The following EPS15L1 variants were observed in gnomAD, a reference collection of about 807,000 sequenced individuals.
The protein encoded by EPS15L1 is epidermal growth factor receptor substrate 15-like 1.
Under a neutral mutation model 117.1 loss-of-function variants are expected in EPS15L1, and 43 were observed. That is an observed-to-expected ratio of 0.37 (90% CI 0.29 to 0.47). EPS15L1 has a LOEUF of 0.47. Among genes scored for constraint, EPS15L1 ranks in the 20% least tolerant of loss-of-function variants. EPS15L1 has a pLI of 0.99. For synonymous variants in EPS15L1, 459 were observed against 470.5 expected (o/e 0.98, Z 0.32); for missense variants, 981 against 1,164.0 (o/e 0.84, Z 2.29).
intron 1 of EPS15L1, among the ~76,000 whole-genome samples, chr19:16,466,243 C>T (rs968186696): frequency 6.6e-6 from 1 of 152,090 alleles, no homozygotes; most frequent in African/African-American, 2.4e-5. Flanking sequence ...CCTTCCTGGC[C>T]TCCAGTGATC....
chr19:16,411,173 CA>C (rs1416393410), intron 13 of EPS15L1, among the ~76,000 whole-genome samples: 1 of 152,062 alleles, frequency 6.6e-6, no homozygotes, highest in Admixed American at 6.6e-5. Flanking sequence ...TCACAACAGC[CA>C]AAAAGTGGGA....
intron 1 of EPS15L1, among the ~76,000 whole-genome samples, chr19:16,462,804 T>G (rs1314749083): frequency 6.6e-6 from 1 of 152,200 alleles, no homozygotes; most frequent in Non-Finnish European, 1.5e-5. Context: ...GTCCACGCAG[T>G]GTACAGCCAG....
rs532111139 is a variant in EPS15L1 at position 16,377,585 on chromosome 19, T to C, written c.2248-331A>G. Among the ~76,000 whole-genome samples the C allele has an allele frequency of 3.6e-4, 55 of 152,308 alleles. No homozygotes were observed. The South Asian group carries it at 3.9e-3, about 11-fold the overall frequency. On this transcript the variant is annotated intron_variant, in intron 21 of 23. Transcript: ENST00000455140. Reference sequence around the variant, plus strand: ...TTTCCTGACTCCAGGACTTGGCACATAGGGTCCCTTGGGCCTCCTGCTTAC... The same window carrying C: ...TTTCCTGACTCCAGGACTTGGCACACAGGGTCCCTTGGGCCTCCTGCTTAC...
intron 13 of EPS15L1, chr19:16,412,804 G>A (rs545211787): frequency 3.1e-5 from 14 of 458,340 alleles, no homozygotes; most frequent in East Asian, 2.9e-4. Context: ...CTGGGGTCGC[G>A]GCCGTGGACA....
At chr19:16,451,370 G>C (rs1350291049) in intron 1 of EPS15L1, among the ~76,000 whole-genome samples, 1 of 152,106 alleles carries the variant, frequency 6.6e-6, no homozygotes, top group Admixed American at 6.6e-5. Context: ...AGACAATCAG[G>C]GAAATGTGAA....
Position 16,355,367 on chromosome 19 carries a change from G to A in EPS15L1, c.*338C>T. 3.4e-6 allele frequency: 1 copy of A among 295,808 alleles called. No individual in the cohort carries two copies. The highest frequency in any genetic ancestry group is 6.3e-6 in the Non-Finnish European group (1 of 157,538). 18.3% of individuals were successfully genotyped at this position (295,808 alleles called of 1,614,324 possible). ...GGCGGGTGGGGATGTCTGCAGCTAT[G>A]AGTAGGGAGGAGGCGGGGAAGCCCT... On this transcript the variant is annotated 3_prime_UTR_variant, in exon 24 of 24. Transcript: ENST00000455140.
In EPS15L1 at chr19:16,440,767, T is replaced by A. The variant is rs567066615; in HGVS notation, c.213+95A>T. ...CAGCCGTGCTCATGCCTAGTAATACTTGACAGTGGAGGAATGTGGAAGGAG... is the reference window on the plus strand; with the variant it reads ...CAGCCGTGCTCATGCCTAGTAATACATGACAGTGGAGGAATGTGGAAGGAG... On this transcript the variant is annotated intron_variant, in intron 4 of 23. Transcript: ENST00000455140. 4.5e-6 allele frequency: 5 copies of A among 1,113,172 alleles called. No individual in the cohort carries two copies. The South Asian group carries it at 6.3e-5, about 14-fold the overall frequency. The allele number at this position is 1,113,172 out of a possible 1,614,324, so 69.0% of individuals were successfully genotyped here.
chr19:16,404,008 C>A lies in EPS15L1; in HGVS notation c.1429-78G>T, dbSNP rs1200714976. ...GGGACTCCGAGAAAGAACTCTTAGC[C>A]CCCATCCCCGAAACAAGCTAAGCCA... On this transcript the variant is annotated intron_variant, in intron 14 of 23. Coordinates refer to ENST00000455140, the MANE Select transcript of EPS15L1 (RefSeq NM_001258374.3). The surrounding 1 kb of genome is among the most constrained non-coding windows in gnomAD (Gnocchi z 4.2). 2 of 1,358,744 alleles carry A rather than the reference C, an allele frequency of 1.5e-6. No individual in the cohort carries two copies. Among genetic ancestry groups the A allele is most frequent in the East Asian group, 2.5e-5 (1 of 40,618 alleles). 84.2% of individuals were successfully genotyped at this position (1,358,744 alleles called of 1,614,324 possible).
intron 22 of EPS15L1, among the ~76,000 whole-genome samples, chr19:16,362,964 T>C (rs569735897): frequency 1.3e-5 from 2 of 151,976 alleles, no homozygotes; most frequent in Admixed American, 6.6e-5. Context: ...GAGAGAGAAG[T>C]GTTCAGAAAT....
At chr19:16,374,163 T>C (rs970666314) in intron 22 of EPS15L1, among the ~76,000 whole-genome samples, 8 of 152,206 alleles carry the variant, frequency 5.3e-5, no homozygotes, top group Non-Finnish European at 8.8e-5. Flanking sequence ...CTGTGTGACC[T>C]TGGGGAGCCC....
At position 16,424,087 on chromosome 19, in the gene EPS15L1, C is replaced by T. The variant is rs538258690; in HGVS notation, c.792+996G>A. On this transcript the variant is annotated intron_variant, in intron 9 of 23. Coordinates refer to ENST00000455140, the MANE Select transcript of EPS15L1 (RefSeq NM_001258374.3). ...TGACAGCTGGGCTTTAAGGCCGGCT[C>T]AGCAGCCACAGGTCCCAAAGGAAGG... Among the ~76,000 whole-genome samples, 4 of 152,314 alleles carry T rather than the reference C, an allele frequency of 2.6e-5. No homozygotes were observed. The East Asian group carries it at 5.8e-4, about 22-fold the overall frequency.
chr19:16,442,019 C>A, intron 2 of EPS15L1, 38 bp from the exon 3 acceptor site: 1 of 1,573,794 alleles, frequency 6.4e-7, no homozygotes, highest in Non-Finnish European at 8.7e-7. Context: ...AACTTTTCAG[C>A]AAATGCAGCA....
chr19:16,446,367 A>ACT lies in EPS15L1; in HGVS notation c.34-4150_34-4149dup, dbSNP rs565021974. Among the ~76,000 whole-genome samples, 154 of 152,008 alleles carry ACT rather than the reference A, an allele frequency of 1.0e-3. 2 individuals are homozygous for ACT. The highest frequency in any genetic ancestry group is 7.1e-3 in the South Asian group (34 of 4,808). ...GCCTCCTGCCCAAACTCTCACTCTC[A>ACT]CTCTGCTAGCAAAGTACGCGCTCTT... On this transcript the variant is annotated intron_variant, in intron 1 of 23. Coordinates refer to ENST00000455140, the MANE Select transcript of EPS15L1 (RefSeq NM_001258374.3).
At chr19:16,418,839 C>T (rs1021221037) in intron 10 of EPS15L1, among the ~76,000 whole-genome samples, 2 of 152,182 alleles carry the variant, frequency 1.3e-5, no homozygotes. Flanking sequence ...ACAAACTAGG[C>T]AGTGAGCCCT....
At chr19:16,394,099 C>T (rs999616770) in intron 17 of EPS15L1, 98 bp from the exon 18 acceptor site, 9 of 989,998 alleles carry the variant, frequency 9.1e-6, no homozygotes, top group Non-Finnish European at 1.1e-5. Flanking sequence ...CTTTCATTGC[C>T]TTCTACTCCT....
At chr19:16,395,836 T>C (rs2092534061) in intron 16 of EPS15L1, among the ~76,000 whole-genome samples, 1 of 151,600 alleles carries the variant, frequency 6.6e-6, no homozygotes. Flanking sequence ...TCCCAGCTAC[T>C]TGGGAGGCTG....
chr19:16,401,120 G>A lies in EPS15L1; in HGVS notation c.1791+1201C>T, dbSNP rs536468025. On this transcript the variant is annotated intron_variant, in intron 16 of 23. Coordinates refer to ENST00000455140, the MANE Select transcript of EPS15L1 (RefSeq NM_001258374.3). Reference sequence around the variant, plus strand: ...TTTAGACGATAAAGCTGATGATGACGGGCCCGGGGGCGGCTATGGAAACCA... The same window carrying A: ...TTTAGACGATAAAGCTGATGATGACAGGCCCGGGGGCGGCTATGGAAACCA... 2.4e-4 allele frequency: 234 copies of A among 985,318 alleles called. 2 individuals carry two copies. The South Asian group carries it at 6.7e-3, about 28-fold the overall frequency. 61.0% of individuals were successfully genotyped at this position (985,318 alleles called of 1,614,324 possible). A position where few individuals can be genotyped will look rare whatever the true frequency, so the allele number is the denominator to read the frequency against.
chr19:16,421,411 G>T lies in EPS15L1; in HGVS notation c.858C>A (p.Thr286=). The change falls in exon 10 of 24, where the codon ACC becomes ACA. Residue 286 remains threonine, a synonymous_variant. Transcript: ENST00000455140. ...KMRFDEIFLK[T]DLDLDGYVSG... is the part of the protein sequence containing the mutation. ...TCACGTAGCCATCCAGGTCCAGGTC[G>T]GTCTTCAGGAATATCTCATCAAATC... The T allele has an allele frequency of 6.2e-7, 1 of 1,614,050 alleles. No individual in the cohort carries two copies.
chr19:16,397,891 G>A (rs2092556679), intron 16 of EPS15L1, among the ~76,000 whole-genome samples: 1 of 152,042 alleles, frequency 6.6e-6, no homozygotes, highest in African/African-American at 2.4e-5. Flanking sequence ...AAACATGAAT[G>A]TTTCACTGTG....
Sources: gnomAD v4.1 joint callset for allele counts (sites outside exome capture counted in the v4.1 genomes callset) on GRCh38, gnomAD v4.1.1 for gene constraint, Gnocchi (gnomAD v3.1) non-coding constraint, MANE v1.5 for transcripts, NCBI Gene and HGNC (gene_info 2026-07-23, HGNC 2026-07-21) for gene names.